CNTNAP5: variants seen among roughly 807,000 people sequenced by gnomAD.
CNTNAP5 encodes the protein contactin associated protein family member 5.
Under a neutral mutation model 150.2 loss-of-function variants are expected in CNTNAP5, and 72 were observed. That is an observed-to-expected ratio of 0.48 (90% CI 0.40 to 0.58). The LOEUF (loss-of-function observed/expected upper bound fraction) is 0.58, where lower values mean the gene tolerates loss of function less well. CNTNAP5 is among the 20% of genes least tolerant of loss of function. CNTNAP5 has a pLI of 0.00. For missense variants in CNTNAP5, 1,636 were observed against 1,626.2 expected (o/e 1.01, Z -0.10); for synonymous variants, 672 against 619.8 (o/e 1.08, Z -1.25).
chr2:124,602,663 TA>T (rs1208091051), intron 11 of CNTNAP5, among the ~76,000 whole-genome samples: 3 of 152,090 alleles, frequency 2.0e-5, no homozygotes, highest in Non-Finnish European at 4.4e-5. Flanking sequence ...CAGCTAATTT[TA>T]AATTTTTTGT....
chr2:124,245,952 C>T (rs1267120523), intron 3 of CNTNAP5, among the ~76,000 whole-genome samples: 1 of 151,822 alleles, frequency 6.6e-6, no homozygotes, highest in African/African-American at 2.4e-5. Flanking sequence ...ACTATGTTGC[C>T]CAGGCTGGTC....
At chr2:124,354,439 C>G (rs1438131038) in intron 3 of CNTNAP5, among the ~76,000 whole-genome samples, 1 of 152,176 alleles carries the variant, frequency 6.6e-6, no homozygotes, top group Non-Finnish European at 1.5e-5. Flanking sequence ...CTTACTTTGT[C>G]AGTCCTGGTA....
intron 19 of CNTNAP5, among the ~76,000 whole-genome samples, chr2:124,842,257 A>C (rs1053345176): frequency 1.3e-5 from 2 of 152,174 alleles, no homozygotes; most frequent in Non-Finnish European, 2.9e-5. Context: ...TAGCTCGATG[A>C]AATCTCTAAG....
At chr2:124,805,769 T>C (rs1226920308) in intron 19 of CNTNAP5, among the ~76,000 whole-genome samples, 1 of 152,194 alleles carries the variant, frequency 6.6e-6, no homozygotes, top group Non-Finnish European at 1.5e-5. Flanking sequence ...GTACTGGCAG[T>C]GTTGGCGTCT....
At chr2:124,149,377 C>A (rs905863856) in intron 1 of CNTNAP5, among the ~76,000 whole-genome samples, 4 of 125,652 alleles carry the variant, frequency 3.2e-5, no homozygotes, top group African/African-American at 1.2e-4. Flanking sequence ...GCTAGCATAC[C>A]ATGTGTTCCA....
At chr2:124,607,310 C>A (rs1677262126) in intron 11 of CNTNAP5, among the ~76,000 whole-genome samples, 2 of 152,092 alleles carry the variant, frequency 1.3e-5, no homozygotes, top group Admixed American at 6.6e-5. Context: ...TGCTTTGGTG[C>A]CCATTCTCAG....
chr2:124,569,978 T>C (rs1169707651), intron 11 of CNTNAP5, among the ~76,000 whole-genome samples: 1 of 152,198 alleles, frequency 6.6e-6, no homozygotes, highest in East Asian at 1.9e-4. Context: ...TTACTCACAC[T>C]TGTACCAGTC....
chr2:124,349,282 T>C (rs1282449963), intron 3 of CNTNAP5, among the ~76,000 whole-genome samples: 1 of 152,194 alleles, frequency 6.6e-6, no homozygotes, highest in Non-Finnish European at 1.5e-5. Flanking sequence ...CAGTGCTAAA[T>C]ACTATAGACA....
At chr2:124,729,000 G>C (rs10208784) in intron 13 of CNTNAP5, among the ~76,000 whole-genome samples, 6 of 151,920 alleles carry the variant, frequency 3.9e-5, no homozygotes, top group African/African-American at 1.5e-4. Flanking sequence ...GAGAGAGACA[G>C]TATTTTAGGC....
At chr2:124,875,152 T>C (rs1376907953) in intron 21 of CNTNAP5, among the ~76,000 whole-genome samples, 1 of 152,064 alleles carries the variant, frequency 6.6e-6, no homozygotes, top group Non-Finnish European at 1.5e-5. Flanking sequence ...GCCTACTGTG[T>C]CTTGTCCAAC....
chr2:124,051,157 C>T (rs1277585958), intron 1 of CNTNAP5, among the ~76,000 whole-genome samples: 3 of 151,788 alleles, frequency 2.0e-5, no homozygotes, highest in East Asian at 3.9e-4. Context: ...TAGTTTGAGG[C>T]CTTAAAAATA....
chr2:124,340,913 T>C lies in CNTNAP5; in HGVS notation c.382-76530T>C, dbSNP rs571012941. 9.7e-4 allele frequency among the ~76,000 whole-genome samples: 142 copies of C among 147,056 alleles called. 1 individual carries two copies. The highest frequency in any genetic ancestry group is 1.9e-3 in the African/African-American group (75 of 40,186). On this transcript the variant is annotated intron_variant, in intron 3 of 23. Transcript: ENST00000682447. ...ATATATATATATAGACACACACACA[T>C]ATATATATATATATTAGGTGGGAAG...
intron 3 of CNTNAP5, among the ~76,000 whole-genome samples, chr2:124,351,613 G>A (rs1024631136): frequency 1.3e-5 from 2 of 152,172 alleles, no homozygotes; most frequent in Admixed American, 6.5e-5. Flanking sequence ...CAAAAGGAAC[G>A]AGGAAGCAGA....
At chr2:124,088,923 T>G (rs1003443252) in intron 1 of CNTNAP5, among the ~76,000 whole-genome samples, 16 of 152,228 alleles carry the variant, frequency 1.1e-4, no homozygotes, top group African/African-American at 3.4e-4. Context: ...TCTGGGTGTT[T>G]AACCAGTCAC....
intron 11 of CNTNAP5, among the ~76,000 whole-genome samples, chr2:124,605,294 T>A (rs1697077668): frequency 6.6e-6 from 1 of 152,190 alleles, no homozygotes. Flanking sequence ...TGTGTGTTTG[T>A]TTTTATACAG....
At chr2:124,878,843 C>T (rs187651303) in intron 21 of CNTNAP5, among the ~76,000 whole-genome samples, 19 of 147,106 alleles carry the variant, frequency 1.3e-4, no homozygotes, top group South Asian at 4.2e-4. Flanking sequence ...CCACCTCGCC[C>T]GGCCAATTTT....
At chr2:124,098,165 T>G (rs1379622292) in intron 1 of CNTNAP5, among the ~76,000 whole-genome samples, 1 of 152,268 alleles carries the variant, frequency 6.6e-6, no homozygotes, top group African/African-American at 2.4e-5. Context: ...ATTTGTGTTA[T>G]ATGTATTATT....
intron 14 of CNTNAP5, among the ~76,000 whole-genome samples, chr2:124,751,082 T>C (rs1296776326): frequency 4.8e-5 from 7 of 146,710 alleles, no homozygotes; most frequent in African/African-American, 1.8e-4. Flanking sequence ...GCGAGAGAAA[T>C]AAGCACAGAT....
chr2:124,191,489 A>ATT (rs1285506948), intron 1 of CNTNAP5, among the ~76,000 whole-genome samples: 1 of 152,032 alleles, frequency 6.6e-6, no homozygotes, highest in Non-Finnish European at 1.5e-5. Flanking sequence ...CAAATTATAT[A>ATT]TTATATATAT....
Sources: allele counts gnomAD v4.1 joint callset (sites outside exome capture counted in the v4.1 genomes callset), GRCh38; gene constraint gnomAD v4.1.1; transcripts MANE v1.5; gene names NCBI Gene and HGNC (gene_info 2026-07-23, HGNC 2026-07-21).